Variants in ZHX2 observed in about 807,000 individuals in gnomAD.
The protein encoded by ZHX2 is zinc fingers and homeoboxes 2.
In ZHX2, 6 loss-of-function variants were observed where a neutral mutation model predicts 21.9. The observed-to-expected ratio is 0.27, with a 90% CI of 0.15 to 0.54. The LOEUF is 0.54. Among genes scored for constraint, ZHX2 ranks in the 20% least tolerant of loss-of-function variants. ZHX2 has a pLI of 0.95. For synonymous variants in ZHX2, 434 were observed against 437.1 expected (o/e 0.99, Z 0.09); for missense variants, 908 against 1,090.7 (o/e 0.83, Z 2.36).
chr8:122,797,513 G>C (rs1178622179), intron 1 of ZHX2, among the ~76,000 whole-genome samples: 4 of 152,114 alleles, frequency 2.6e-5, no homozygotes, highest in African/African-American at 9.7e-5. Flanking sequence ...TTTCTCTTCC[G>C]CTCAGCAAGG....
chr8:122,827,660 G>T (rs1818290683), intron 1 of ZHX2, among the ~76,000 whole-genome samples: 1 of 152,210 alleles, frequency 6.6e-6, no homozygotes, highest in South Asian at 2.1e-4. Flanking sequence ...AATCTTTAGG[G>T]GGTGAAAAAG....
rs531680548 is a variant in ZHX2, at chr8:122,828,768, G to T, written c.-282-34709G>T. ...GTGCCTGCAAAGGGGTTCTTGGAAG[G>T]CTCATTCTAGGTTGTTCTCATTGGG... On this transcript the variant is annotated intron_variant, in intron 1 of 3. Coordinates refer to ENST00000314393, the MANE Select transcript of ZHX2 (RefSeq NM_014943.5). This position sits in a 1 kb window ranked among gnomAD's most constrained non-coding sequence, Gnocchi z 5.2. 9.2e-4 allele frequency among the ~76,000 whole-genome samples: 140 copies of T among 152,318 alleles called. 1 individual carries two copies. Among genetic ancestry groups the T allele is most frequent in the African/African-American group, 3.2e-3 (131 of 41,566 alleles).
intron 3 of ZHX2, among the ~76,000 whole-genome samples, chr8:122,957,771 A>T (rs1813346619): frequency 6.6e-6 from 1 of 152,204 alleles, no homozygotes; most frequent in South Asian, 2.1e-4. Context: ...GCGCCCCACC[A>T]TTGGAGTTCC....
chr8:122,862,590 G>C (rs1586337209), intron 1 of ZHX2, among the ~76,000 whole-genome samples: 1 of 152,154 alleles, frequency 6.6e-6, no homozygotes, highest in Non-Finnish European at 1.5e-5. Context: ...TCAGGTGTGC[G>C]AGGGGCCTGG....
rs145279246 is a variant in ZHX2, at chr8:122,842,309, C to T, written c.-282-21168C>T. On this transcript the variant is annotated intron_variant, in intron 1 of 3. Transcript: ENST00000314393. ...CCCAGTCCTACCAGGCCTGCTTCCC[C>T]AGCCTACTTCCTACCACATCCATCC... Among the ~76,000 whole-genome samples, 407 of 152,360 alleles carry T rather than the reference C, an allele frequency of 2.7e-3. 2 individuals are homozygous for T. The highest frequency in any genetic ancestry group is 9.4e-3 in the African/African-American group (392 of 41,588).
intron 2 of ZHX2, among the ~76,000 whole-genome samples, chr8:122,873,310 C>T (rs993816401): frequency 2.6e-5 from 4 of 152,200 alleles, no homozygotes; most frequent in African/African-American, 7.2e-5. Flanking sequence ...TGGAATATTT[C>T]CACAGAAGTG....
intron 2 of ZHX2, among the ~76,000 whole-genome samples, chr8:122,932,004 T>C (rs1264957087): frequency 6.6e-6 from 1 of 152,140 alleles, no homozygotes; most frequent in African/African-American, 2.4e-5. Flanking sequence ...AAGACTAGCA[T>C]TTTCAAATGT....
At chr8:122,956,270 T>C (rs1813300258) in intron 3 of ZHX2, among the ~76,000 whole-genome samples, 1 of 152,224 alleles carries the variant, frequency 6.6e-6, no homozygotes, top group Non-Finnish European at 1.5e-5. Context: ...GCACCTACTG[T>C]ATGCCTGCTG....
intron 1 of ZHX2, among the ~76,000 whole-genome samples, chr8:122,829,530 G>T (rs575008603): frequency 6.6e-6 from 1 of 152,194 alleles, no homozygotes; most frequent in African/African-American, 2.4e-5. Context: ...GAGAAAATGA[G>T]AATAAGAACA....
intron 3 of ZHX2, among the ~76,000 whole-genome samples, chr8:122,955,254 G>T (rs1054863607): frequency 1.3e-5 from 2 of 152,008 alleles, no homozygotes; most frequent in Non-Finnish European, 2.9e-5. Flanking sequence ...AGGGCTGGTG[G>T]GAGGGAAAGC....
At chr8:122,955,568 A>G (rs568723900) in intron 3 of ZHX2, among the ~76,000 whole-genome samples, 4 of 152,294 alleles carry the variant, frequency 2.6e-5, no homozygotes, top group Admixed American at 6.5e-5. Flanking sequence ...TCCATCCGCT[A>G]TTAAAAGAGC....
At chr8:122,804,895 C>T (rs992785334) in intron 1 of ZHX2, among the ~76,000 whole-genome samples, 3 of 152,148 alleles carry the variant, frequency 2.0e-5, no homozygotes, top group African/African-American at 7.2e-5. Context: ...AACACAGGGC[C>T]ATGGATTCCC....
At chr8:122,817,849 G>A (rs1255354596) in intron 1 of ZHX2, among the ~76,000 whole-genome samples, 1 of 152,202 alleles carries the variant, frequency 6.6e-6, no homozygotes, top group Admixed American at 6.5e-5. Flanking sequence ...GCAATGGCCT[G>A]GTGATGCTGG....
At position 122,952,359 on chromosome 8, in the gene ZHX2, G is replaced by A. The variant is rs1388551155; in HGVS notation, c.849G>A (p.Lys283=). The A allele has an allele frequency of 1.2e-6, 2 of 1,614,008 alleles. No homozygotes were observed. The highest frequency in any genetic ancestry group is 1.7e-6 in the Non-Finnish European group (2 of 1,180,038). The change falls in exon 3 of 4, where the codon AAG becomes AAA. Residue 283 remains lysine (K), a synonymous_variant. Transcript: ENST00000314393. This position sits in a 1 kb window ranked among gnomAD's most constrained non-coding sequence, Gnocchi z 6.9. The stretch of plus-strand genomic sequence containing the variant: ...CCACGATGATCAACTCTTTCAACAA[G>A]TTTCCTTACCCGACCCAGGCTGAGT... ...TNATMINSFN[K]FPYPTQAELS...
At chr8:122,857,846 G>A (rs1346175368) in intron 1 of ZHX2, among the ~76,000 whole-genome samples, 1 of 151,962 alleles carries the variant, frequency 6.6e-6, no homozygotes, top group Non-Finnish European at 1.5e-5. Flanking sequence ...AAAAAAGGGA[G>A]ATAAGGCTTA....
At chr8:122,803,098 C>G (rs1016924634) in intron 1 of ZHX2, among the ~76,000 whole-genome samples, 1 of 152,114 alleles carries the variant, frequency 6.6e-6, no homozygotes, top group Non-Finnish European at 1.5e-5. Context: ...AACTCCCTCC[C>G]CATCCCCTGT....
intron 2 of ZHX2, among the ~76,000 whole-genome samples, chr8:122,925,926 G>A (rs72717994): frequency 0.036 from 5,476 of 152,042 alleles, 131 homozygotes; most frequent in Non-Finnish European, 0.055. Context: ...AAGAGGACAT[G>A]GGACAGAGTG....
In ZHX2 at chr8:122,782,251, G is replaced by T. The variant is rs1443891911; in HGVS notation, c.-283+305G>T. ...TAAATGGGAGCCAGAGCGAGGAGGA[G>T]GAGGAGGAGGAGGAAAAACATGTCT... is the stretch of plus-strand genomic sequence containing the variant. On this transcript the variant is annotated intron_variant, in intron 1 of 3. Coordinates refer to ENST00000314393, the MANE Select transcript of ZHX2 (RefSeq NM_014943.5). This position sits in a 1 kb window ranked among gnomAD's most constrained non-coding sequence, Gnocchi z 5.3. Among the ~76,000 whole-genome samples, 1 of 152,146 alleles carries T rather than the reference G, an allele frequency of 6.6e-6. No individual in the cohort carries two copies. Among genetic ancestry groups the T allele is most frequent in the Non-Finnish European group, 1.5e-5 (1 of 68,014 alleles).
chr8:122,831,598 G>A (rs1019488829), intron 1 of ZHX2, among the ~76,000 whole-genome samples: 10 of 152,152 alleles, frequency 6.6e-5, no homozygotes, highest in African/African-American at 2.2e-4. Flanking sequence ...GGCCTTGCAC[G>A]GGTTGTAGGG....
Sources: allele counts gnomAD v4.1 joint callset (sites outside exome capture counted in the v4.1 genomes callset), GRCh38; gene constraint gnomAD v4.1.1; non-coding constraint Gnocchi (gnomAD v3.1); transcripts MANE v1.5; gene names NCBI Gene and HGNC (gene_info 2026-07-23, HGNC 2026-07-21).